SYTL3: variants seen among roughly 807,000 people sequenced by gnomAD.
The protein encoded by SYTL3 is synaptotagmin like 3.
A neutral mutation model predicts 82.1 loss-of-function variants in SYTL3; 88 were observed. That is an observed-to-expected ratio of 1.07 (90% CI 0.90 to 1.28). The LOEUF (loss-of-function observed/expected upper bound fraction) is 1.28, where lower values mean the gene tolerates loss of function less well. Ranked by LOEUF, SYTL3 falls within the 50% of genes most tolerant of loss-of-function variation. The pLI, the probability that SYTL3 is intolerant of heterozygous loss-of-function variation, is 0.00. For synonymous variants in SYTL3, 311 were observed against 289.4 expected, an observed-to-expected ratio of 1.07 and a Z score of -0.76; for missense variants, 831 against 757.6, an observed-to-expected ratio of 1.10 and a Z score of -1.14.
At chr6:158,717,577 A>G (rs765818622) in intron 9 of SYTL3, among the ~76,000 whole-genome samples, 1 of 152,078 alleles carries the variant, frequency 6.6e-6, no homozygotes, top group African/African-American at 2.4e-5. Flanking sequence ...AAATGAAACA[A>G]ATTTGTTTAC....
At chr6:158,703,639 C>T (rs1450787018) in intron 6 of SYTL3, among the ~76,000 whole-genome samples, 1 of 152,058 alleles carries the variant, frequency 6.6e-6, no homozygotes, top group Non-Finnish European at 1.5e-5. Context: ...GATCTTGCTC[C>T]AATGGGATTG....
intron 8 of SYTL3, 77 bp downstream of exon 8, chr6:158,708,468 C>A: frequency 1.4e-6 from 2 of 1,422,518 alleles, no homozygotes; most frequent in Non-Finnish European, 2.0e-6. Context: ...GCTTTCGAGG[C>A]TGAGGCCGGG....
At chr6:158,677,212 A>T (rs1216034725) in intron 5 of SYTL3, among the ~76,000 whole-genome samples, 1 of 152,182 alleles carries the variant, frequency 6.6e-6, no homozygotes, top group Non-Finnish European at 1.5e-5. Flanking sequence ...TACACCATGG[A>T]ATACTATGCA....
At chr6:158,760,092 C>T (rs1490390534) in intron 14 of SYTL3, among the ~76,000 whole-genome samples, 1 of 152,084 alleles carries the variant, frequency 6.6e-6, no homozygotes, top group Non-Finnish European at 1.5e-5. Context: ...CCTCTCTTCA[C>T]TCACTTTCTG....
Position 158,682,955 on chromosome 6 carries a change from C to G in SYTL3, c.360C>G (p.Phe120Leu). Reference sequence around the variant, plus strand: ...TCAAAATAAAAACTGGAGAATGGTTCTATGAGGAACGAGCCAAGAAATTTC... The same window carrying G: ...TCAAAATAAAAACTGGAGAATGGTTGTATGAGGAACGAGCCAAGAAATTTC... ...RNVKIKTGEW[F>L]YEERAKKFPT... The change falls in exon 6 of 18, where the codon TTC (phenylalanine) becomes TTG (leucine). Residue 120 changes from phenylalanine (F) to leucine (L), a missense_variant. Coordinates refer to ENST00000611299, the MANE Select transcript of SYTL3 (RefSeq NM_001242394.2). The G allele has an allele frequency of 6.2e-7, 1 of 1,613,476 alleles. No individual in the cohort carries two copies. The highest frequency in any genetic ancestry group is 8.5e-7 in the Non-Finnish European group (1 of 1,179,518).
intron 14 of SYTL3, among the ~76,000 whole-genome samples, chr6:158,759,145 G>A (rs1283370798): frequency 1.3e-5 from 2 of 152,244 alleles, no homozygotes; most frequent in Non-Finnish European, 2.9e-5. Context: ...GCATAGGACA[G>A]GCGGCCACCA....
intron 11 of SYTL3, among the ~76,000 whole-genome samples, chr6:158,729,886 T>G (rs1301757544): frequency 2.9e-5 from 3 of 101,906 alleles, no homozygotes; most frequent in African/African-American, 4.4e-5. Flanking sequence ...TTTTAAAGTT[T>G]CCTTTTTTTT....
chr6:158,682,280 TG>T (rs1476904091), intron 5 of SYTL3, among the ~76,000 whole-genome samples: 1 of 152,020 alleles, frequency 6.6e-6, no homozygotes, highest in Admixed American at 6.5e-5. Flanking sequence ...TGTTTCTCTT[TG>T]TGTATTTGTT....
intron 10 of SYTL3, among the ~76,000 whole-genome samples, chr6:158,720,364 G>A (rs1297116171): frequency 7.8e-6 from 1 of 127,586 alleles, no homozygotes; most frequent in Non-Finnish European, 1.6e-5. Flanking sequence ...GGATCGTACT[G>A]TTATACGCTC....
rs756410374 is a variant in SYTL3 at position 158,757,901 on chromosome 6, G to T, written c.1308+520G>T. 4.6e-5 allele frequency among the ~76,000 whole-genome samples: 7 copies of T among 152,220 alleles called. No homozygotes were observed. In the South Asian group the frequency reaches 6.2e-4, roughly 14 times the overall value. On this transcript the variant is annotated intron_variant, in intron 14 of 17. Transcript: ENST00000611299. ...GCTAGGATGTGGGGCTCCAGCTCCT[G>T]GTTTGGAATTGCACGGCGGGAGATA...
intron 6 of SYTL3, among the ~76,000 whole-genome samples, chr6:158,699,448 T>C (rs1780920156): frequency 6.6e-6 from 1 of 152,142 alleles, no homozygotes; most frequent in African/African-American, 2.4e-5. Context: ...CCCTATTATT[T>C]CTAGGCTGAG....
intron 14 of SYTL3, among the ~76,000 whole-genome samples, chr6:158,758,051 C>CTTTGT (rs1789377698): frequency 6.6e-6 from 1 of 152,128 alleles, no homozygotes; most frequent in Non-Finnish European, 1.5e-5. Context: ...GGAGACGCTG[C>CTTTGT]TTTGTACTTT....
chr6:158,646,674 T>C (rs1562329459), upstream of SYTL3, among the ~76,000 whole-genome samples: 1 of 152,206 alleles, frequency 6.6e-6, no homozygotes, highest in Non-Finnish European at 1.5e-5. Flanking sequence ...CTGGGCAGGC[T>C]GGTTGCTTTA....
chr6:158,753,593 G>A lies in SYTL3; in HGVS notation c.1137+1563G>A, dbSNP rs1248350892. Among the ~76,000 whole-genome samples, 3 of 151,888 alleles carry A rather than the reference G, an allele frequency of 2.0e-5. No individual in the cohort carries two copies. In the South Asian group the frequency reaches 6.2e-4, roughly 32 times the overall value. ...AAAATACAAAAAATTAGCCGGGCGTGGTGGCGGGCGCCTGTAGTCCCAGCT... is the reference window on the plus strand; with the variant it reads ...AAAATACAAAAAATTAGCCGGGCGTAGTGGCGGGCGCCTGTAGTCCCAGCT... On this transcript the variant is annotated intron_variant, in intron 13 of 17. Coordinates refer to ENST00000611299, the MANE Select transcript of SYTL3 (RefSeq NM_001242394.2).
intron 5 of SYTL3, among the ~76,000 whole-genome samples, chr6:158,678,823 T>A: frequency 6.6e-6 from 1 of 152,154 alleles, no homozygotes. Context: ...TATGGGCTAA[T>A]TGAAAAAATT....
At position 158,763,287 on chromosome 6, in the gene SYTL3, T is replaced by C. The variant is rs558759170; in HGVS notation, c.1518-17T>C. On this transcript the variant is annotated splice_polypyrimidine_tract_variant and intron_variant, in intron 16 of 17. Transcript: ENST00000611299. ...GTGTGGATGGCAATGATTGCAGGGT[T>C]TGTGTTCCCTCTTCAGCTGTCTCAC... is the stretch of plus-strand genomic sequence containing the variant. 1 of 1,613,450 alleles carries C rather than the reference T, an allele frequency of 6.2e-7. No homozygotes were observed. The highest frequency in any genetic ancestry group is 1.7e-5 in the Admixed American group (1 of 60,026).
chr6:158,682,164 C>T (rs1778766431), intron 5 of SYTL3, among the ~76,000 whole-genome samples: 1 of 151,974 alleles, frequency 6.6e-6, no homozygotes, highest in Non-Finnish European at 1.5e-5. Flanking sequence ...GTCTCGACTT[C>T]CTGACCTCAA....
upstream of SYTL3, among the ~76,000 whole-genome samples, chr6:158,648,593 A>AG: frequency 8.1e-6 from 1 of 122,798 alleles, no homozygotes. Flanking sequence ...TCGGTCTCAA[A>AG]AAAAAAAAAA....
intron 5 of SYTL3, among the ~76,000 whole-genome samples, chr6:158,666,909 C>T (rs34947655): frequency 0.015 from 2,283 of 152,326 alleles, 21 homozygotes; most frequent in Admixed American, 0.027. Flanking sequence ...GTCGCACGGA[C>T]GGTGGCCGAA....
Sources: gnomAD v4.1 joint callset for allele counts (sites outside exome capture counted in the v4.1 genomes callset) on GRCh38, gnomAD v4.1.1 for gene constraint, MANE v1.5 for transcripts, NCBI Gene and HGNC (gene_info 2026-07-23, HGNC 2026-07-21) for gene names.